HS1BP3: variants seen among roughly 807,000 people sequenced by gnomAD.
HS1BP3 encodes HCLS1-binding protein 3.
Under a neutral mutation model 33.5 loss-of-function variants are expected in HS1BP3, and 32 were observed. The ratio of observed to expected loss-of-function variants is 0.95; its 90% confidence interval spans 0.72 to 1.28. The LOEUF (loss-of-function observed/expected upper bound fraction) is 1.28. Ranked by LOEUF, HS1BP3 falls within the 50% of genes most tolerant of loss-of-function variation. The pLI is 0.00. For missense variants in HS1BP3, 486 were observed against 502.3 expected (o/e 0.97, Z 0.31); for synonymous variants, 187 against 209.2 (o/e 0.89, Z 0.92).
At chr2:20,598,075 C>A (rs980006109) in intron 3 of HS1BP3, 4 of 175,838 alleles carry the variant, frequency 2.3e-5, no homozygotes, top group Non-Finnish European at 3.8e-5. Flanking sequence ...AGACAAAAAT[C>A]GGAAGACAAT....
chr2:20,637,293 C>T (rs72784309), intron 4 of HS1BP3: 6,102 of 152,292 alleles, frequency 0.04, 161 homozygotes, highest in Middle Eastern at 0.085. Context: ...TCACCCTTAC[C>T]AAAATAAAGC....
At chr2:20,629,702 T>C (rs924101769) in intron 4 of HS1BP3, among the ~76,000 whole-genome samples, 3 of 152,230 alleles carry the variant, frequency 2.0e-5, no homozygotes, top group Non-Finnish European at 2.9e-5. Context: ...TGGCATGTTC[T>C]TGTTGCATGC....
chr2:20,591,757 T>A (rs1325655177), downstream of HS1BP3, among the ~76,000 whole-genome samples: 8 of 152,008 alleles, frequency 5.3e-5, no homozygotes, highest in Admixed American at 5.2e-4. Flanking sequence ...AGAGACGTGG[T>A]TTCATCATGT....
the HS1BP3 span, among the ~76,000 whole-genome samples, chr2:20,555,005 C>T: frequency 6.6e-6 from 1 of 152,206 alleles, no homozygotes; most frequent in Non-Finnish European, 1.5e-5. Flanking sequence ...CTTGACTTTC[C>T]TGTGCATTCA....
intron 4 of HS1BP3, 72 bp from the exon 5 acceptor site, chr2:20,624,964 C>T (rs538001286): frequency 3.9e-6 from 6 of 1,554,954 alleles, no homozygotes; most frequent in African/African-American, 1.4e-5. Context: ...CAGACCGACA[C>T]AGGCGCTGGG....
intron 3 of HS1BP3, chr2:20,640,735 T>C (rs887610393): frequency 1.6e-6 from 1 of 614,460 alleles, no homozygotes; most frequent in Admixed American, 2.9e-5. Flanking sequence ...GGTCACACTA[T>C]GGAGAATGCC....
At chr2:20,555,267 G>A in the HS1BP3 span, among the ~76,000 whole-genome samples, 27 of 152,210 alleles carry the variant, frequency 1.8e-4, no homozygotes, top group African/African-American at 2.7e-4. Context: ...CAGGGTCCAC[G>A]GCTTAAGAGG....
intron 4 of HS1BP3, among the ~76,000 whole-genome samples, chr2:20,628,064 T>G (rs553777241): frequency 1.5e-4 from 23 of 152,244 alleles, no homozygotes; most frequent in African/African-American, 5.3e-4. Flanking sequence ...GACAGCGCCC[T>G]ATGTGCGAAA....
downstream of HS1BP3, among the ~76,000 whole-genome samples, chr2:20,616,121 C>T (rs1434239390): frequency 2.0e-5 from 3 of 152,192 alleles, no homozygotes; most frequent in Admixed American, 6.5e-5. Flanking sequence ...GTTGTTGTCC[C>T]CAGTTAAACT....
At chr2:20,598,815 C>T (rs796550622) in intron 2 of HS1BP3, among the ~76,000 whole-genome samples, 53 of 152,270 alleles carry the variant, frequency 3.5e-4, no homozygotes, top group African/African-American at 1.1e-3. Context: ...GCCTCGGCCT[C>T]CCAAAGTGCT....
intron 4 of HS1BP3, among the ~76,000 whole-genome samples, chr2:20,626,777 G>T (rs145072019): frequency 1.3e-5 from 2 of 152,258 alleles, no homozygotes; most frequent in East Asian, 3.9e-4. Context: ...AGGGAGCCTC[G>T]ATTCTCCACC....
downstream of HS1BP3, among the ~76,000 whole-genome samples, chr2:20,614,708 T>C (rs1019765863): frequency 6.6e-6 from 1 of 152,200 alleles, no homozygotes; most frequent in African/African-American, 2.4e-5. Context: ...CCAGCTTTAT[T>C]TAAAAAGCCA....
rs1209577117 is a variant in HS1BP3, at chr2:20,623,942, G to T, written c.874C>A (p.Pro292Thr). The T allele has an allele frequency of 6.2e-7, 1 of 1,612,258 alleles. No homozygotes were observed. Among genetic ancestry groups the T allele is most frequent in the Non-Finnish European group, 8.5e-7 (1 of 1,179,874 alleles). ...TCCCTGTGGCTGAGGCTGGGTGTGG[G>T]CCCTCCACTCTCACAGGCGGCTGGC... ...LLPAACESGG[P>T]TPSLSHRDAS... The change falls in exon 6 of 7, where the codon CCC (proline) becomes ACC (threonine). Residue 292 changes from proline to threonine, a missense_variant. Coordinates refer to ENST00000304031, the MANE Select transcript of HS1BP3 (RefSeq NM_022460.4).
intron 2 of HS1BP3, among the ~76,000 whole-genome samples, chr2:20,600,364 T>C (rs1479484908): frequency 6.6e-6 from 1 of 152,126 alleles, no homozygotes; most frequent in Non-Finnish European, 1.5e-5. Context: ...AGCCCTGTTC[T>C]CGTTAAACCA....
chr2:20,583,634 G>A (rs1218417135), intron 5 of HS1BP3, among the ~76,000 whole-genome samples: 2 of 152,212 alleles, frequency 1.3e-5, no homozygotes, highest in African/African-American at 4.8e-5. Context: ...AAGGAGTGGG[G>A]AGGAGGCACC....
intron 4 of HS1BP3, 116 bp downstream of exon 4, chr2:20,638,320 T>C: frequency 8.8e-6 from 9 of 1,020,954 alleles, no homozygotes; most frequent in Non-Finnish European, 1.3e-5. Context: ...CCCAGATCCC[T>C]GCGAGGGGGC....
intron 2 of HS1BP3, among the ~76,000 whole-genome samples, chr2:20,609,564 G>A (rs1418102579): frequency 6.6e-6 from 1 of 152,168 alleles, no homozygotes; most frequent in Non-Finnish European, 1.5e-5. Context: ...GGGCTGAGCC[G>A]CTCTGTGGAT....
At chr2:20,597,228 T>C (rs895535661) in intron 3 of HS1BP3, among the ~76,000 whole-genome samples, 3 of 152,226 alleles carry the variant, frequency 2.0e-5, no homozygotes, top group African/African-American at 7.2e-5. Context: ...GCCTCTGTTC[T>C]AGGACTTTGG....
chr2:20,596,480 G>A (rs1350095185), intron 3 of HS1BP3, among the ~76,000 whole-genome samples: 1 of 152,200 alleles, frequency 6.6e-6, no homozygotes, highest in Non-Finnish European at 1.5e-5. Flanking sequence ...ACTTTCACAT[G>A]TGAGGACATG....
Sources: gnomAD v4.1 joint callset for allele counts (sites outside exome capture counted in the v4.1 genomes callset) on GRCh38, gnomAD v4.1.1 for gene constraint, MANE v1.5 for transcripts, NCBI Gene and HGNC (gene_info 2026-07-23, HGNC 2026-07-21) for gene names.